Variants in EPB41L2 observed in about 807,000 individuals in gnomAD.
EPB41L2 encodes band 4.1-like protein 2.
In EPB41L2, 43 loss-of-function variants were observed where a neutral mutation model predicts 113.0. The observed-to-expected ratio is 0.38, with a 90% confidence interval of 0.30 to 0.49. The LOEUF (loss-of-function observed/expected upper bound fraction) is 0.49. EPB41L2 is among the 20% of genes least tolerant of loss of function. The pLI is 0.95. For synonymous variants in EPB41L2, 442 were observed against 436.7 expected, an observed-to-expected ratio of 1.01 and a Z score of -0.15; for missense variants, 1,147 against 1,223.4, an observed-to-expected ratio of 0.94 and a Z score of 0.93.
chr6:130,856,239 A>G (rs1780179876), intron 19 of EPB41L2, among the ~76,000 whole-genome samples: 2 of 152,242 alleles, frequency 1.3e-5, no homozygotes, highest in African/African-American at 4.8e-5. Context: ...AGCTTGATAA[A>G]TTCAACAATA....
intron 12 of EPB41L2, 158 bp from the exon 13 acceptor site, chr6:130,880,364 C>T (rs1443646549): frequency 8.0e-6 from 5 of 622,582 alleles, no homozygotes; most frequent in Non-Finnish European, 1.4e-5. Flanking sequence ...ACACAACTCA[C>T]AAATAAACCC....
intron 1 of EPB41L2, among the ~76,000 whole-genome samples, chr6:130,961,978 C>T (rs1277192654): frequency 2.6e-5 from 4 of 152,188 alleles, no homozygotes; most frequent in African/African-American, 9.6e-5. Context: ...ACAGTTCTGG[C>T]CATTTTCTAC....
chr6:131,052,400 A>ACCAGTCCAGGATGATGGAGGGCCCAG (rs1796743787), intron 1 of EPB41L2, among the ~76,000 whole-genome samples: 1 of 152,198 alleles, frequency 6.6e-6, no homozygotes, highest in Non-Finnish European at 1.5e-5. Flanking sequence ...TAGAAATAAA[A>ACCAGTCCAGGATGATGGAGGGCCCAG]CCAGTCCAGG....
intron 5 of EPB41L2, among the ~76,000 whole-genome samples, chr6:130,904,891 C>G (rs1275948447): frequency 4.0e-5 from 6 of 149,100 alleles, no homozygotes; most frequent in Non-Finnish European, 8.9e-5. Context: ...ACCACAGGAT[C>G]TCCTGTTGCC....
chr6:130,997,684 A>T (rs1562695245), intron 1 of EPB41L2, among the ~76,000 whole-genome samples: 1 of 152,190 alleles, frequency 6.6e-6, no homozygotes, highest in African/African-American at 2.4e-5. Context: ...GGAGTGACAA[A>T]GGCACTTCTT....
intron 10 of EPB41L2, among the ~76,000 whole-genome samples, chr6:130,894,081 G>T (rs974312050): frequency 1.3e-5 from 2 of 151,970 alleles, no homozygotes; most frequent in African/African-American, 4.8e-5. Flanking sequence ...AAGGAGGGGA[G>T]AAAAGAGTTC....
At chr6:130,986,161 C>T (rs931497709) in intron 1 of EPB41L2, among the ~76,000 whole-genome samples, 2 of 152,000 alleles carry the variant, frequency 1.3e-5, no homozygotes, top group African/African-American at 4.8e-5. Context: ...AGTAGTGTAA[C>T]AAAAGAAAAT....
intron 4 of EPB41L2, among the ~76,000 whole-genome samples, chr6:130,912,566 C>T (rs1340176868): frequency 6.6e-6 from 1 of 152,138 alleles, no homozygotes; most frequent in East Asian, 1.9e-4. Context: ...TTACTGGTGT[C>T]CCAGCTGCAT....
intron 3 of EPB41L2, among the ~76,000 whole-genome samples, chr6:130,943,842 C>T (rs998946022): frequency 3.9e-5 from 6 of 152,044 alleles, no homozygotes; most frequent in Non-Finnish European, 7.4e-5. Flanking sequence ...GCCCAGCCTA[C>T]GCCCAGCCAG....
chr6:131,041,093 T>C (rs1356308536), intron 1 of EPB41L2, among the ~76,000 whole-genome samples: 1 of 152,124 alleles, frequency 6.6e-6, no homozygotes, highest in Non-Finnish European at 1.5e-5. Flanking sequence ...AAACACACTA[T>C]ACAAGACATC....
At chr6:130,924,021 T>C (rs1197126315) in intron 4 of EPB41L2, among the ~76,000 whole-genome samples, 1 of 152,172 alleles carries the variant, frequency 6.6e-6, no homozygotes, top group Non-Finnish European at 1.5e-5. Flanking sequence ...TTCTACTCTT[T>C]GTTTCTATGA....
intron 1 of EPB41L2, among the ~76,000 whole-genome samples, chr6:131,010,131 ATTATAGAG>A (rs1786566360): frequency 6.6e-6 from 1 of 152,236 alleles, no homozygotes; most frequent in Non-Finnish European, 1.5e-5. Flanking sequence ...AAACATTTAC[ATTATAGAG>A]TTACTATTTA....
At chr6:130,929,342 T>G (rs1411349095) in intron 3 of EPB41L2, among the ~76,000 whole-genome samples, 1 of 152,210 alleles carries the variant, frequency 6.6e-6, no homozygotes, top group East Asian at 1.9e-4. Context: ...ACTTTTTACT[T>G]TGGATGTTTA....
intron 13 of EPB41L2, among the ~76,000 whole-genome samples, chr6:130,879,050 A>AT (rs951410497): frequency 1.3e-5 from 2 of 152,154 alleles, no homozygotes; most frequent in Admixed American, 1.3e-4. Context: ...TATTTGTGGA[A>AT]TTTTTTTCGA....
Position 130,867,416 on chromosome 6 carries a change from G to T in EPB41L2, c.2730+43C>A, listed in dbSNP as rs201927215. ...AAGAATGAAAACATAGATACACTAA[G>T]GGAAAAAAGAGCTCGAACAGTCCAA... On this transcript the variant is annotated intron_variant, in intron 16 of 19. Coordinates refer to ENST00000337057, the MANE Select transcript of EPB41L2 (RefSeq NM_001431.4). The T allele has an allele frequency of 7.4e-4, 1,174 of 1,596,814 alleles. 4 individuals are homozygous for T. Among genetic ancestry groups the T allele is most frequent in the South Asian group, 3.4e-3 (302 of 87,880 alleles).
At chr6:131,009,702 G>GA (rs761308441) in intron 1 of EPB41L2, among the ~76,000 whole-genome samples, 8 of 133,924 alleles carry the variant, frequency 6.0e-5, no homozygotes, top group Non-Finnish European at 1.1e-4. Flanking sequence ...TAGTCATTTA[G>GA]AAAAAAAAGG....
At chr6:130,912,714 C>T (rs1012661632) in intron 4 of EPB41L2, among the ~76,000 whole-genome samples, 3 of 152,158 alleles carry the variant, frequency 2.0e-5, no homozygotes, top group African/African-American at 7.2e-5. Flanking sequence ...CACCCAACAG[C>T]TGGCTCACAA....
chr6:131,035,076 G>A (rs1370524244), intron 1 of EPB41L2, among the ~76,000 whole-genome samples: 1 of 152,154 alleles, frequency 6.6e-6, no homozygotes, highest in Non-Finnish European at 1.5e-5. Context: ...TCTTAGTTAA[G>A]AAGACAAAGT....
intron 1 of EPB41L2, among the ~76,000 whole-genome samples, chr6:130,986,258 C>G (rs1004918024): frequency 3.9e-5 from 6 of 152,102 alleles, no homozygotes; most frequent in African/African-American, 1.4e-4. Context: ...TGACAAAAGC[C>G]AGCATCCTTT....
Sources: gnomAD v4.1 joint callset for allele counts (sites outside exome capture counted in the v4.1 genomes callset) on GRCh38, gnomAD v4.1.1 for gene constraint, MANE v1.5 for transcripts, NCBI Gene and HGNC (gene_info 2026-07-23, HGNC 2026-07-21) for gene names.